Variants in ATL1 observed in about 807,000 individuals in gnomAD.
ATL1 encodes the protein atlastin-1.
ATL1 carries 31 observed loss-of-function variants against 75.5 expected under a neutral mutation model. The ratio of observed to expected loss-of-function variants is 0.41; its 90% confidence interval spans 0.31 to 0.55. The LOEUF (loss-of-function observed/expected upper bound fraction) is 0.55, where lower values mean the gene tolerates loss of function less well. ATL1 is among the 20% of genes least tolerant of loss of function. The pLI, the probability that ATL1 is intolerant of heterozygous loss-of-function variation, is 0.27. For missense variants in ATL1, 405 were observed against 662.6 expected, an observed-to-expected ratio of 0.61 and a Z score of 4.27; for synonymous variants, 226 against 233.3, an observed-to-expected ratio of 0.97 and a Z score of 0.28.
intron 1 of ATL1, among the ~76,000 whole-genome samples, chr14:50,583,684 C>G (rs753170068): frequency 2.0e-5 from 3 of 152,152 alleles, no homozygotes; most frequent in African/African-American, 7.2e-5. Flanking sequence ...GTTCAACTAA[C>G]AGATTGATTT....
chr14:50,566,068 G>C (rs748359507), intron 1 of ATL1, among the ~76,000 whole-genome samples: 81 of 152,146 alleles, frequency 5.3e-4, no homozygotes, highest in Non-Finnish European at 1.0e-3. Flanking sequence ...TGCAATCTCA[G>C]CTCACTGCAA....
At chr14:50,601,891 T>C (rs189926781) in intron 6 of ATL1, among the ~76,000 whole-genome samples, 209 of 152,300 alleles carry the variant, frequency 1.4e-3, no homozygotes, top group Middle Eastern at 0.01. Context: ...CAAGTTTTAT[T>C]TGAGTAATAA....
chr14:50,589,155 C>CTTTTTTT (rs34191629), intron 2 of ATL1, among the ~76,000 whole-genome samples: 20 of 109,410 alleles, frequency 1.8e-4, no homozygotes, highest in Admixed American at 4.1e-4. Context: ...TTCTTTCTTT[C>CTTTTTTT]TTTTTTTTTT....
chr14:50,590,849 C>T (rs1048820808), intron 2 of ATL1, 92 bp from the exon 3 acceptor site: 175 of 1,355,016 alleles, frequency 1.3e-4, no homozygotes, highest in Non-Finnish European at 1.6e-4. Flanking sequence ...CCTTTTAACT[C>T]GAATTGGAGA....
chr14:50,585,230 G>A (rs1333790370), intron 1 of ATL1, among the ~76,000 whole-genome samples: 1 of 152,204 alleles, frequency 6.6e-6, no homozygotes, highest in Non-Finnish European at 1.5e-5. Flanking sequence ...TTTGCTCCAT[G>A]TTTTAAAGTT....
At chr14:50,541,792 A>G (rs1212023458) in intron 1 of ATL1, among the ~76,000 whole-genome samples, 7 of 151,952 alleles carry the variant, frequency 4.6e-5, no homozygotes, top group South Asian at 2.1e-4. Context: ...AGGCCGAGGC[A>G]GGAGGATCAC....
chr14:50,630,978 G>T, intron 13 of ATL1: 1 of 455,162 alleles, frequency 2.2e-6, no homozygotes, highest in South Asian at 1.6e-5. Context: ...GAAAATCAAG[G>T]CCAGGCGCGG....
intron 2 of ATL1, among the ~76,000 whole-genome samples, chr14:50,588,722 A>G (rs1309293837): frequency 1.3e-5 from 2 of 152,148 alleles, no homozygotes; most frequent in African/African-American, 4.8e-5. Context: ...CCCTGTCTCT[A>G]CTAAAAAAAA....
chr14:50,623,293 T>A, intron 11 of ATL1, 45 bp downstream of exon 11: 1 of 1,466,918 alleles, frequency 6.8e-7, no homozygotes, highest in East Asian at 2.3e-5. Flanking sequence ...AAAACCAGTA[T>A]CCTTCATGCA....
At chr14:50,574,106 A>G (rs948036433) in intron 1 of ATL1, among the ~76,000 whole-genome samples, 15 of 152,074 alleles carry the variant, frequency 9.9e-5, no homozygotes, top group Non-Finnish European at 2.1e-4. Context: ...GAGGACATTC[A>G]CCTGGGACTG....
intron 2 of ATL1, among the ~76,000 whole-genome samples, chr14:50,589,381 A>G (rs551562356): frequency 6.6e-6 from 1 of 152,162 alleles, no homozygotes; most frequent in South Asian, 2.1e-4. Context: ...GCTGGTCTCA[A>G]ACTCCTAACC....
chr14:50,621,762 G>C, intron 9 of ATL1, 81 bp from the exon 10 acceptor site: 1 of 864,748 alleles, frequency 1.2e-6, no homozygotes, highest in East Asian at 2.5e-5. Flanking sequence ...GAAATGTCAA[G>C]AACTTAGAAT....
intron 1 of ATL1, among the ~76,000 whole-genome samples, chr14:50,581,066 G>T (rs759775476): frequency 6.6e-6 from 1 of 151,306 alleles, no homozygotes; most frequent in Non-Finnish European, 1.5e-5. Flanking sequence ...TAATTTGTGG[G>T]TTTTTTCTCT....
chr14:50,539,826 T>C (rs1274676572), intron 1 of ATL1, among the ~76,000 whole-genome samples: 1 of 152,242 alleles, frequency 6.6e-6, no homozygotes, highest in East Asian at 1.9e-4. Context: ...TAGAAGCTTG[T>C]TCTCAATAAT....
intron 1 of ATL1, among the ~76,000 whole-genome samples, chr14:50,546,152 AAG>A (rs1247029947): frequency 6.6e-6 from 1 of 152,240 alleles, no homozygotes; most frequent in Non-Finnish European, 1.5e-5. Context: ...AAGAGGGTAA[AAG>A]AAGTTTTTTA....
chr14:50,569,377 C>T (rs1267316665), intron 1 of ATL1, among the ~76,000 whole-genome samples: 1 of 150,826 alleles, frequency 6.6e-6, no homozygotes, highest in East Asian at 1.9e-4. Context: ...TGTGATCATG[C>T]CACTGCATTC....
chr14:50,591,727 C>T, intron 4 of ATL1, 88 bp downstream of exon 4: 1 of 949,504 alleles, frequency 1.1e-6, no homozygotes, highest in East Asian at 2.6e-5. Flanking sequence ...ATTAGATAAA[C>T]AACAGAAATT....
intron 1 of ATL1, among the ~76,000 whole-genome samples, chr14:50,578,056 C>A (rs59767247): frequency 0.19 from 28,617 of 152,034 alleles, 3,403 homozygotes; most frequent in African/African-American, 0.34. Flanking sequence ...AAATATTCCA[C>A]AAATTCATTC....
rs368925590 is a variant in ATL1 at position 50,560,315 on chromosome 14, G to T, written c.34+16G>T. On this transcript the variant is annotated intron_variant, in intron 1 of 13. Transcript: ENST00000358385. Reference sequence around the variant, plus strand: ...AACAGTTGGGGTGAGTAGCAAATGAGAACTTCTGCAGCCTGCACGGGGTCT... The same window carrying T: ...AACAGTTGGGGTGAGTAGCAAATGATAACTTCTGCAGCCTGCACGGGGTCT... 1.4e-5 allele frequency: 22 copies of T among 1,613,528 alleles called. No homozygotes were observed. The African/African-American group carries it at 2.8e-4, about 21-fold the overall frequency.
Sources: gnomAD v4.1 joint callset for allele counts (sites outside exome capture counted in the v4.1 genomes callset) on GRCh38, gnomAD v4.1.1 for gene constraint, MANE v1.5 for transcripts, NCBI Gene and HGNC (gene_info 2026-07-23, HGNC 2026-07-21) for gene names.